Variants in MAP3K4 observed in about 807,000 individuals in gnomAD.
The protein encoded by MAP3K4 is mitogen-activated protein kinase kinase kinase 4, also known as MAP three kinase 1.
MAP3K4 carries 67 observed loss-of-function variants against 185.6 expected under a neutral mutation model. That is an observed-to-expected ratio of 0.36 (90% confidence interval 0.30 to 0.44). MAP3K4 has a LOEUF of 0.44. Among genes scored for constraint, MAP3K4 ranks in the 20% least tolerant of loss-of-function variants. The pLI is 1.00. For synonymous variants in MAP3K4, 702 were observed against 710.4 expected, an observed-to-expected ratio of 0.99 and a Z score of 0.19; for missense variants, 1,551 against 1,995.1, an observed-to-expected ratio of 0.78 and a Z score of 4.24.
chr6:161,000,040 C>T (rs1239779084), intron 1 of MAP3K4, among the ~76,000 whole-genome samples: 1 of 152,168 alleles, frequency 6.6e-6, no homozygotes, highest in African/African-American at 2.4e-5. Flanking sequence ...AAGATTCTAA[C>T]TTCTGGTCTG....
Position 161,064,226 on chromosome 6 carries a change from G to C in MAP3K4, c.1708-6382G>C, listed in dbSNP as rs1784604029. Among the ~76,000 whole-genome samples the C allele has an allele frequency of 6.6e-6, 1 of 152,018 alleles. No individual in the cohort carries two copies. Among genetic ancestry groups the C allele is most frequent in the Admixed American group, 6.5e-5 (1 of 15,276 alleles). ...CTATCTTTAGATTTTACTACATTGGGAATTTCTTTTTCCAAATATATTGTT... is the reference window on the plus strand; with the variant it reads ...CTATCTTTAGATTTTACTACATTGGCAATTTCTTTTTCCAAATATATTGTT... On this transcript the variant is annotated intron_variant, in intron 3 of 26. Coordinates refer to ENST00000392142, the MANE Select transcript of MAP3K4 (RefSeq NM_005922.4). This position sits in a 1 kb window ranked among gnomAD's most constrained non-coding sequence, Gnocchi z 4.3.
intron 5 of MAP3K4, among the ~76,000 whole-genome samples, chr6:161,079,897 A>G (rs1203405308): frequency 6.6e-6 from 1 of 152,230 alleles, no homozygotes; most frequent in African/African-American, 2.4e-5. Context: ...AGTTATTACT[A>G]GATCTCAGAA....
In MAP3K4 at chr6:161,102,802, T is replaced by TAA. The variant is rs397886595; in HGVS notation, c.3856+44_3856+45dup. On this transcript the variant is annotated intron_variant, in intron 19 of 26. Coordinates refer to ENST00000392142, the MANE Select transcript of MAP3K4 (RefSeq NM_005922.4). ...AAGGTGAGAGAAAGAGTGTTGAAGTTAAAAAAAAAAAAAAAAAAAAAACAC... is the reference window on the plus strand; with the variant it reads ...AAGGTGAGAGAAAGAGTGTTGAAGTTAAAAAAAAAAAAAAAAAAAAAAAACAC... The TAA allele has an allele frequency of 4.6e-3, 2,775 of 602,910 alleles. 2 individuals carry two copies. Among genetic ancestry groups the TAA allele is most frequent in the South Asian group, 0.016 (513 of 32,494 alleles). 37.3% of individuals were successfully genotyped at this position (602,910 alleles called of 1,614,324 possible). A position where few individuals can be genotyped will look rare whatever the true frequency, so the allele number is the denominator to read the frequency against.
At chr6:161,090,607 A>G (rs59258506) in intron 11 of MAP3K4, among the ~76,000 whole-genome samples, 140 of 92,482 alleles carry the variant, frequency 1.5e-3, no homozygotes, top group African/African-American at 3.9e-3. Context: ...ACTCTTGGTC[A>G]TGGAGGGCCG....
chr6:161,011,247 C>T (rs1335353101), intron 1 of MAP3K4, among the ~76,000 whole-genome samples: 1 of 152,140 alleles, frequency 6.6e-6, no homozygotes, highest in Admixed American at 6.5e-5. Flanking sequence ...CAAATAACTC[C>T]TTTAATGCAG....
In MAP3K4 at chr6:161,112,009, TG is replaced by T; in HGVS notation, c.4519+55del. On this transcript the variant is annotated intron_variant, in intron 24 of 26. Coordinates refer to ENST00000392142, the MANE Select transcript of MAP3K4 (RefSeq NM_005922.4). This position sits in a 1 kb window ranked among gnomAD's most constrained non-coding sequence, Gnocchi z 5.1. ...GCACTCTGACTTCATGCAGCCTGCT[TG>T]GGGCCTGCATGTTCCCTTCACCTTT... 2 of 1,604,696 alleles carry T rather than the reference TG, an allele frequency of 1.2e-6. No homozygotes were observed. Among genetic ancestry groups the T allele is most frequent in the Admixed American group, 1.7e-5 (1 of 59,144 alleles).
Position 161,106,783 on chromosome 6 carries a change from C to T in MAP3K4, c.4048+78C>T, listed in dbSNP as rs141797247. ...TAGTTATACTTCTTTAGGTTGAATC[C>T]TATAGAGTTGGCCCTTTTTTCTTGT... On this transcript the variant is annotated intron_variant, in intron 20 of 26. Transcript: ENST00000392142. The surrounding 1 kb of genome is among the most constrained non-coding windows in gnomAD (Gnocchi z 4.9). 67 of 1,211,876 alleles carry T rather than the reference C, an allele frequency of 5.5e-5. No homozygotes were observed. Among genetic ancestry groups the T allele is most frequent in the Non-Finnish European group, 6.7e-5 (59 of 884,756 alleles). The allele number at this position is 1,211,876 out of a possible 1,614,324, so 75.1% of individuals were successfully genotyped here. A position where few individuals can be genotyped will look rare whatever the true frequency, so the allele number is the denominator to read the frequency against.
intron 1 of MAP3K4, among the ~76,000 whole-genome samples, chr6:160,997,622 T>G (rs1208418256): frequency 2.0e-5 from 3 of 152,226 alleles, no homozygotes; most frequent in Non-Finnish European, 4.4e-5. Context: ...AAACAGAATT[T>G]GCAGAAGATG....
intron 2 of MAP3K4, among the ~76,000 whole-genome samples, chr6:161,039,551 A>G (rs1032583677): frequency 2.0e-5 from 3 of 152,338 alleles, no homozygotes; most frequent in South Asian, 2.1e-4. Context: ...ATTGTGGTGC[A>G]TATGTGTGAT....
chr6:161,097,225 T>C lies in MAP3K4; in HGVS notation c.3524+49T>C, dbSNP rs201062039. 197 of 1,478,240 alleles carry C rather than the reference T, an allele frequency of 1.3e-4. No individual in the cohort carries two copies. The African/African-American group carries it at 2.3e-3, about 17-fold the overall frequency. 91.6% of individuals were successfully genotyped at this position (1,478,240 alleles called of 1,614,324 possible). A position where few individuals can be genotyped will look rare whatever the true frequency, so the allele number is the denominator to read the frequency against. On this transcript the variant is annotated intron_variant, in intron 16 of 26. Transcript: ENST00000392142. This position sits in a 1 kb window ranked among gnomAD's most constrained non-coding sequence, Gnocchi z 4.9. ...TTGCTTTACAGAGTGCCCTCCGATATGCATGCTCATACTTTTGAAACTACT... is the reference window on the plus strand; with the variant it reads ...TTGCTTTACAGAGTGCCCTCCGATACGCATGCTCATACTTTTGAAACTACT...
chr6:161,038,026 C>T (rs1056437656), intron 2 of MAP3K4, among the ~76,000 whole-genome samples: 1 of 152,000 alleles, frequency 6.6e-6, no homozygotes, highest in African/African-American at 2.4e-5. Flanking sequence ...TCCTTCCTTT[C>T]ATCCTCTTCC....
chr6:160,998,712 A>T (rs1390564384), intron 1 of MAP3K4, among the ~76,000 whole-genome samples: 1 of 152,236 alleles, frequency 6.6e-6, no homozygotes, highest in Non-Finnish European at 1.5e-5. Flanking sequence ...TAATAGAAAT[A>T]TTTAAAATCT....
chr6:161,087,047 T>C lies in MAP3K4; in HGVS notation c.2556+380T>C, dbSNP rs1326699732. 6.6e-6 allele frequency among the ~76,000 whole-genome samples: 1 copy of C among 152,256 alleles called. No homozygotes were observed. The highest frequency in any genetic ancestry group is 1.5e-5 in the Non-Finnish European group (1 of 68,040). ...CAGTGAATCTTTGACATCAAGATCC[T>C]GGTCATCACTAGAGCCACTTTTTGA... On this transcript the variant is annotated intron_variant, in intron 9 of 26. Transcript: ENST00000392142. This position sits in a 1 kb window ranked among gnomAD's most constrained non-coding sequence, Gnocchi z 4.9.
chr6:161,089,605 A>G (rs934550123), intron 11 of MAP3K4, 134 bp downstream of exon 11: 10 of 802,366 alleles, frequency 1.2e-5, no homozygotes, highest in Admixed American at 3.0e-5. Context: ...TCTCTTCCCA[A>G]TACATATTTT....
chr6:161,047,637 G>A (rs990346686), intron 2 of MAP3K4, among the ~76,000 whole-genome samples: 3 of 152,092 alleles, frequency 2.0e-5, no homozygotes, highest in Non-Finnish European at 2.9e-5. Context: ...AGGGAGAAGA[G>A]ATCTAAGATT....
chr6:161,001,398 T>A (rs183489457), intron 1 of MAP3K4, among the ~76,000 whole-genome samples: 2 of 152,242 alleles, frequency 1.3e-5, no homozygotes, highest in East Asian at 3.9e-4. Context: ...AGTTTCACTT[T>A]AGGTCTTAAG....
At position 161,086,342 on chromosome 6, in the gene MAP3K4, C is replaced by A; in HGVS notation, c.2373-37C>A. On this transcript the variant is annotated intron_variant, in intron 7 of 26. Transcript: ENST00000392142. The surrounding 1 kb of genome is among the most constrained non-coding windows in gnomAD (Gnocchi z 4.8). The stretch of plus-strand genomic sequence containing the variant: ...CCCTCTTGCACCTCTGGAATATTCC[C>A]TAATGTGTTCTAACTGGACTTGAAT... 1 of 1,233,950 alleles carries A rather than the reference C, an allele frequency of 8.1e-7. No homozygotes were observed. Among genetic ancestry groups the A allele is most frequent in the Non-Finnish European group, 1.2e-6 (1 of 849,256 alleles). 76.4% of individuals were successfully genotyped at this position (1,233,950 alleles called of 1,614,324 possible). A position where few individuals can be genotyped will look rare whatever the true frequency, so the allele number is the denominator to read the frequency against.
At chr6:161,010,784 A>G (rs937876724) in intron 1 of MAP3K4, among the ~76,000 whole-genome samples, 1 of 152,210 alleles carries the variant, frequency 6.6e-6, no homozygotes, top group African/African-American at 2.4e-5. Context: ...GTAGGTTGCA[A>G]TTTTATGCAA....
rs764938987 is a variant in MAP3K4 at position 161,073,489 on chromosome 6, C to T, written c.1974C>T (p.Val658=). 1.2e-6 allele frequency: 2 copies of T among 1,612,206 alleles called. No homozygotes were observed. Among genetic ancestry groups the T allele is most frequent in the Non-Finnish European group, 8.5e-7 (1 of 1,179,140 alleles). Residue 658 remains valine (V), a synonymous_variant, in exon 5 of 27, where the codon GTC becomes GTT. Coordinates refer to ENST00000392142, the MANE Select transcript of MAP3K4 (RefSeq NM_005922.4). This position sits in a 1 kb window ranked among gnomAD's most constrained non-coding sequence, Gnocchi z 4.2. The part of the protein sequence containing the change: ...IKQLVRECKE[V]LKGGLLMKQY... The stretch of plus-strand genomic sequence containing the variant: ...AGCTGGTGAGAGAGTGTAAGGAGGT[C>T]CTGAAGGGCGGCCTGCTGATGAAGC...
Sources: allele counts gnomAD v4.1 joint callset (sites outside exome capture counted in the v4.1 genomes callset), GRCh38; gene constraint gnomAD v4.1.1; non-coding constraint Gnocchi (gnomAD v3.1); transcripts MANE v1.5; gene names NCBI Gene and HGNC (gene_info 2026-07-23, HGNC 2026-07-21).